Variants in NLRC4 observed in about 807,000 individuals in gnomAD.
NLRC4 encodes NLR family CARD domain containing 4, also known as NLR family CARD domain-containing protein 4.
A neutral mutation model predicts 79.9 loss-of-function variants in NLRC4; 63 were observed. That is an observed-to-expected ratio of 0.79 (90% CI 0.64 to 0.97). The LOEUF is 0.97. NLRC4 is among the 50% of genes least tolerant of loss of function. NLRC4 has a pLI of 0.00. For missense variants in NLRC4, 1,074 were observed against 1,215.2 expected (o/e 0.88, Z 1.73); for synonymous variants, 461 against 456.5 (o/e 1.01, Z -0.12).
Position 32,250,794 on chromosome 2 carries a change from TGA to T in NLRC4, c.1068_1069del (p.Gln359AsnfsTer9). The T allele has an allele frequency of 6.2e-7, 1 of 1,614,198 alleles. No homozygotes were observed. The highest frequency in any genetic ancestry group is 1.1e-5 in the South Asian group (1 of 91,088). On this transcript the variant is annotated frameshift_variant, in exon 4 of 9. Coordinates refer to ENST00000402280, the MANE Select transcript of NLRC4 (RefSeq NM_001199138.2). LOFTEE classifies it high-confidence loss of function. This position sits in a 1 kb window ranked among gnomAD's most constrained non-coding sequence, Gnocchi z 4.9. Reference sequence around the variant, plus strand: ...GGTATGGAACAGCGTTGTTTGTGTGTGAGAGTGGAACTCACTTTCACCCATCT... The same window carrying T: ...GGTATGGAACAGCGTTGTTTGTGTGTGAGTGGAACTCACTTTCACCCATCT...
chr2:32,239,030 C>A (rs1686735320), intron 5 of NLRC4, among the ~76,000 whole-genome samples: 1 of 152,094 alleles, frequency 6.6e-6, no homozygotes, highest in African/African-American at 2.4e-5. Context: ...CCTGTAATCC[C>A]AGCACTATGG....
intron 8 of NLRC4, among the ~76,000 whole-genome samples, chr2:32,226,639 G>C (rs531097138): frequency 5.3e-5 from 8 of 152,328 alleles, no homozygotes; most frequent in African/African-American, 1.9e-4. Flanking sequence ...CCAGCACTTT[G>C]GGAGGCCAAG....
intron 1 of NLRC4, among the ~76,000 whole-genome samples, chr2:32,257,863 G>A (rs1368230691): frequency 6.6e-6 from 1 of 152,034 alleles, no homozygotes; most frequent in Non-Finnish European, 1.5e-5. Flanking sequence ...CCACGGCAGT[G>A]TCTAGTGGTG....
intron 4 of NLRC4, among the ~76,000 whole-genome samples, chr2:32,243,627 C>T (rs1421322220): frequency 6.6e-6 from 1 of 150,466 alleles, no homozygotes; most frequent in Non-Finnish European, 1.5e-5. Flanking sequence ...TGGTGAAACC[C>T]TGTCTCTACT....
intron 5 of NLRC4, among the ~76,000 whole-genome samples, chr2:32,240,401 CAAAA>C (rs36105309): frequency 1.7e-5 from 2 of 118,198 alleles, no homozygotes; most frequent in Non-Finnish European, 1.8e-5. Context: ...AAAAAAGAGC[CAAAA>C]AAAAAAAAAA....
intron 4 of NLRC4, among the ~76,000 whole-genome samples, chr2:32,249,113 T>G (rs1687004837): frequency 6.6e-6 from 1 of 152,164 alleles, no homozygotes. Flanking sequence ...TTTAAATCAT[T>G]TAAAGGGGTG....
chr2:32,260,625 T>C (rs1687320957), intron 1 of NLRC4, among the ~76,000 whole-genome samples: 1 of 152,214 alleles, frequency 6.6e-6, no homozygotes. Context: ...AAAGCTTGCA[T>C]TGGTAAATGC....
chr2:32,240,911 T>C, intron 5 of NLRC4, 122 bp downstream of exon 5: 2 of 626,770 alleles, frequency 3.2e-6, no homozygotes, highest in Admixed American at 3.1e-5. Context: ...GGGAAACCAA[T>C]GTAGCCACAA....
Position 32,236,284 on chromosome 2 carries a change from G to A in NLRC4, c.2577C>T (p.Tyr859=), listed in dbSNP as rs1245377571. 2 of 1,611,698 alleles carry A rather than the reference G, an allele frequency of 1.2e-6. No individual in the cohort carries two copies. The highest frequency in any genetic ancestry group is 1.3e-5 in the African/African-American group (1 of 74,878). ...KLSILDLSEN[Y]LEKDGNEALH... ...GAGCTTCATTTCCATCTTTTTCCAG[G>A]TAATTTTCTGATAAATCAAGAATGC... Residue 859 remains tyrosine (Y), a synonymous_variant, in exon 7 of 9, where the codon TAC becomes TAT. Transcript: ENST00000402280.
intron 6 of NLRC4, among the ~76,000 whole-genome samples, chr2:32,237,531 A>T (rs1686700308): frequency 6.6e-6 from 1 of 152,012 alleles, no homozygotes; most frequent in Non-Finnish European, 1.5e-5. Flanking sequence ...ATCTTTAGAG[A>T]CTCCCAGCAG....
At chr2:32,238,515 G>A (rs906560832) in intron 5 of NLRC4, among the ~76,000 whole-genome samples, 4 of 152,158 alleles carry the variant, frequency 2.6e-5, no homozygotes, top group Non-Finnish European at 2.9e-5. Context: ...TCACTTATAT[G>A]GAGGTTATTC....
chr2:32,231,840 G>A (rs959444168), intron 8 of NLRC4, among the ~76,000 whole-genome samples: 21 of 152,090 alleles, frequency 1.4e-4, no homozygotes, highest in African/African-American at 3.4e-4. Context: ...GATTACAGGC[G>A]TGAGCCACCA....
intron 8 of NLRC4, among the ~76,000 whole-genome samples, chr2:32,227,416 C>G (rs989319868): frequency 6.6e-6 from 1 of 152,208 alleles, no homozygotes; most frequent in Non-Finnish European, 1.5e-5. Flanking sequence ...TCTCCCTGCT[C>G]TCTCTTCCAT....
At chr2:32,256,370 A>G (rs1687207722) in intron 2 of NLRC4, among the ~76,000 whole-genome samples, 1 of 152,106 alleles carries the variant, frequency 6.6e-6, no homozygotes, top group Non-Finnish European at 1.5e-5. Flanking sequence ...ATAGCTACAG[A>G]GGGCTAGTGG....
At chr2:32,242,882 A>C (rs893074444) in intron 4 of NLRC4, among the ~76,000 whole-genome samples, 1 of 152,042 alleles carries the variant, frequency 6.6e-6, no homozygotes. Flanking sequence ...CCCTATCCCT[A>C]CAAAATATTT....
chr2:32,263,675 G>C (rs1050765871), intron 1 of NLRC4, among the ~76,000 whole-genome samples: 1 of 152,196 alleles, frequency 6.6e-6, no homozygotes, highest in Non-Finnish European at 1.5e-5. Context: ...AAAGGCCAAG[G>C]AGGGAGGCGT....
chr2:32,246,169 G>A (rs546064287), intron 4 of NLRC4, among the ~76,000 whole-genome samples: 1 of 152,278 alleles, frequency 6.6e-6, no homozygotes, highest in Admixed American at 6.5e-5. Flanking sequence ...GGGTGACAGA[G>A]TGAGACCCTG....
upstream of NLRC4, chr2:32,265,532 T>A (rs1687445493): frequency 6.6e-6 from 1 of 152,368 alleles, no homozygotes; most frequent in Non-Finnish European, 1.5e-5. Context: ...GTAAATGAAA[T>A]GAGCCAGCTT....
intron 8 of NLRC4, among the ~76,000 whole-genome samples, chr2:32,235,122 CA>C (rs1157869487): frequency 6.6e-6 from 1 of 152,100 alleles, no homozygotes; most frequent in Non-Finnish European, 1.5e-5. Context: ...TGCTGAATTT[CA>C]GAAAGTTAAG....
Sources: allele counts gnomAD v4.1 joint callset (sites outside exome capture counted in the v4.1 genomes callset), GRCh38; gene constraint gnomAD v4.1.1; non-coding constraint Gnocchi (gnomAD v3.1); transcripts MANE v1.5; gene names NCBI Gene and HGNC (gene_info 2026-07-23, HGNC 2026-07-21).